The following ITPRID1 variants were observed in gnomAD, a reference collection of about 807,000 sequenced individuals.
ITPRID1 encodes protein ITPRID1.
In ITPRID1, 96 loss-of-function variants were observed where a neutral mutation model predicts 95.4. The ratio of observed to expected loss-of-function variants is 1.01; its 90% CI spans 0.85 to 1.19. ITPRID1 has a LOEUF of 1.19. Among genes scored for constraint, ITPRID1 ranks in the 50% most tolerant of loss-of-function variants. ITPRID1 has a pLI of 0.00. For missense variants in ITPRID1, 1,339 were observed against 1,252.9 expected (o/e 1.07, Z -1.04); for synonymous variants, 510 against 453.6 (o/e 1.12, Z -1.58).
intron 5 of ITPRID1, among the ~76,000 whole-genome samples, chr7:31,568,527 C>G (rs778284954): frequency 3.3e-5 from 5 of 152,164 alleles, no homozygotes; most frequent in Admixed American, 2.0e-4. Flanking sequence ...AGGAGAGCAA[C>G]AAGTAAGCGG....
intron 1 of ITPRID1, among the ~76,000 whole-genome samples, chr7:31,536,174 T>G: frequency 6.6e-6 from 1 of 152,128 alleles, no homozygotes; most frequent in Non-Finnish European, 1.5e-5. Flanking sequence ...TTTTTTTTCT[T>G]TATAGTTCTG....
intron 10 of ITPRID1, among the ~76,000 whole-genome samples, chr7:31,640,183 C>T (rs1789890961): frequency 6.6e-6 from 1 of 152,198 alleles, no homozygotes; most frequent in Non-Finnish European, 1.5e-5. Flanking sequence ...CAAGACACTT[C>T]TGAGTATTCT....
At chr7:31,548,131 G>A (rs1041318346) in intron 1 of ITPRID1, among the ~76,000 whole-genome samples, 16 of 152,022 alleles carry the variant, frequency 1.1e-4, no homozygotes, top group Non-Finnish European at 2.2e-4. Flanking sequence ...TTTGAAATTA[G>A]GATTTTGGAG....
At chr7:31,562,380 T>C (rs540817271) in intron 5 of ITPRID1, among the ~76,000 whole-genome samples, 1 of 152,336 alleles carries the variant, frequency 6.6e-6, no homozygotes, top group East Asian at 1.9e-4. Context: ...CAGTTACTAC[T>C]TGATAGGTTA....
At chr7:31,574,807 T>G in intron 8 of ITPRID1, 65 bp downstream of exon 8, 4 of 1,407,188 alleles carry the variant, frequency 2.8e-6, no homozygotes, top group Non-Finnish European at 3.0e-6. Context: ...TGGGCCACAG[T>G]GTAGGCGAGG....
chr7:31,572,806 A>G (rs942745260), intron 7 of ITPRID1, among the ~76,000 whole-genome samples: 4 of 152,204 alleles, frequency 2.6e-5, no homozygotes, highest in African/African-American at 9.7e-5. Context: ...ATGACCAATC[A>G]ATACTTATAT....
chr7:31,606,928 T>C (rs28431991), intron 10 of ITPRID1, among the ~76,000 whole-genome samples: 14,340 of 152,204 alleles, frequency 0.094, 875 homozygotes, highest in Middle Eastern at 0.15. Flanking sequence ...TACCTTACTC[T>C]TGGTATCTAC....
chr7:31,539,106 TC>T (rs1480725895), intron 1 of ITPRID1, among the ~76,000 whole-genome samples: 2 of 152,228 alleles, frequency 1.3e-5, no homozygotes, highest in African/African-American at 4.8e-5. Context: ...CTTGGTTGCT[TC>T]CAAGTTTTGA....
chr7:31,559,331 T>C (rs1293762319), intron 5 of ITPRID1, among the ~76,000 whole-genome samples: 2 of 152,150 alleles, frequency 1.3e-5, no homozygotes, highest in Non-Finnish European at 2.9e-5. Context: ...TGAGCTTTTA[T>C]GGTGCTCTAC....
At chr7:31,530,012 G>A (rs1470344631) in intron 1 of ITPRID1, among the ~76,000 whole-genome samples, 1 of 152,064 alleles carries the variant, frequency 6.6e-6, no homozygotes, top group Non-Finnish European at 1.5e-5. Context: ...AGAAGATGAA[G>A]TGATCTAATT....
At chr7:31,634,590 C>T (rs905370946) in intron 10 of ITPRID1, among the ~76,000 whole-genome samples, 3 of 152,096 alleles carry the variant, frequency 2.0e-5, no homozygotes, top group Non-Finnish European at 4.4e-5. Flanking sequence ...GATGGTTCAG[C>T]ATGGAGCCTA....
At chr7:31,573,367 G>GTTT (rs542836819) in intron 7 of ITPRID1, among the ~76,000 whole-genome samples, 1 of 144,540 alleles carries the variant, frequency 6.9e-6, no homozygotes, top group Admixed American at 7.0e-5. Context: ...AAAAATTTTA[G>GTTT]TTTTTTTTTT....
chr7:31,603,287 TC>T (rs1418801399), intron 10 of ITPRID1, among the ~76,000 whole-genome samples: 1 of 151,956 alleles, frequency 6.6e-6, no homozygotes, highest in Non-Finnish European at 1.5e-5. Context: ...AACCACATCC[TC>T]CCTCCCCGTG....
chr7:31,645,173 A>G (rs1021588227), intron 12 of ITPRID1, among the ~76,000 whole-genome samples: 2 of 152,226 alleles, frequency 1.3e-5, no homozygotes, highest in East Asian at 3.9e-4. Flanking sequence ...ACATTACAGT[A>G]TAAGCAAAGA....
rs1491532888 is a variant in ITPRID1 at position 31,625,323 on chromosome 7, A to ATG, written c.1229-16852_1229-16851insGT. Among the ~76,000 whole-genome samples the ATG allele has an allele frequency of 6.1e-3, 922 of 151,590 alleles. 10 individuals carry two copies. Among genetic ancestry groups the ATG allele is most frequent in the African/African-American group, 0.021 (854 of 40,946 alleles). On this transcript the variant is annotated intron_variant, in intron 10 of 14. Transcript: ENST00000615280. ...TGCTGCTATAAAGACACATGCACTCATATGTTTATTGCGGCACTATTCACA... is the reference window on the plus strand; with the variant it reads ...TGCTGCTATAAAGACACATGCACTCATGTATGTTTATTGCGGCACTATTCACA...
At position 31,620,780 on chromosome 7, in the gene ITPRID1, G is replaced by A. The variant is rs117256584; in HGVS notation, c.1229-21396G>A. Among the ~76,000 whole-genome samples, 435 of 152,332 alleles carry A rather than the reference G, an allele frequency of 2.9e-3. 8 individuals carry two copies. In the East Asian group the frequency reaches 0.052, roughly 18 times the overall value. Reference sequence around the variant, plus strand: ...ATGGAGAATGACTTTGAGGAGGCGAGAGAAGAAGACATCAGACGATCAAAC... The same window carrying A: ...ATGGAGAATGACTTTGAGGAGGCGAAAGAAGAAGACATCAGACGATCAAAC... On this transcript the variant is annotated intron_variant, in intron 10 of 14. Transcript: ENST00000615280.
intron 5 of ITPRID1, among the ~76,000 whole-genome samples, chr7:31,567,557 G>A (rs183835542): frequency 6.7e-6 from 1 of 149,974 alleles, no homozygotes; most frequent in African/African-American, 2.4e-5. Context: ...CTTTAAAATC[G>A]ATTCTATTTC....
At chr7:31,596,444 C>CA (rs1786092861) in intron 10 of ITPRID1, among the ~76,000 whole-genome samples, 1 of 151,166 alleles carries the variant, frequency 6.6e-6, no homozygotes, top group African/African-American at 2.4e-5. Flanking sequence ...AAAATAGAGG[C>CA]AAAAATTTTT....
rs374799170 is a variant in ITPRID1 at position 31,583,189 on chromosome 7, T to C, written c.1226T>C (p.Val409Ala). The change falls in exon 10 of 15, where the codon GTA becomes GCA. Residue 409 changes from valine to alanine, a missense_variant and splice_region_variant. By Grantham distance (64) the Val-to-Ala change is moderately conservative. Coordinates refer to ENST00000615280, the MANE Select transcript of ITPRID1 (RefSeq NM_001257967.3). Reference sequence around the variant, plus strand: ...CCTCTTGACATGACTTCAGGAACTGTAGGTAAGAATTCATCAAGGTGTGTG... The same window carrying C: ...CCTCTTGACATGACTTCAGGAACTGCAGGTAAGAATTCATCAAGGTGTGTG... Reference protein sequence around the residue: ...GNPLDMTSGTVGARVDRANSC... With the variant: ...GNPLDMTSGTAGARVDRANSC... The C allele has an allele frequency of 1.9e-6, 3 of 1,605,566 alleles. No individual in the cohort carries two copies. The highest frequency in any genetic ancestry group is 1.1e-5 in the South Asian group (1 of 90,490).
Sources: allele counts gnomAD v4.1 joint callset (sites outside exome capture counted in the v4.1 genomes callset), GRCh38; gene constraint gnomAD v4.1.1; transcripts MANE v1.5; gene names NCBI Gene and HGNC (gene_info 2026-07-23, HGNC 2026-07-21).